SEMA3G: variants seen among roughly 807,000 people sequenced by gnomAD.
The protein encoded by SEMA3G is semaphorin-3G.
SEMA3G carries 70 observed loss-of-function variants against 86.2 expected under a neutral mutation model. The observed-to-expected ratio is 0.81, with a 90% CI of 0.67 to 0.99. The LOEUF (loss-of-function observed/expected upper bound fraction) is 0.99. SEMA3G is among the 50% of genes least tolerant of loss of function. The pLI, the probability that SEMA3G is intolerant of heterozygous loss-of-function variation, is 0.00. For missense variants in SEMA3G, 1,002 were observed against 1,072.4 expected (o/e 0.93, Z 0.92); for synonymous variants, 416 against 441.4 (o/e 0.94, Z 0.72).
chr3:52,443,697 G>A (rs563408178), intron 1 of SEMA3G, among the ~76,000 whole-genome samples: 11 of 152,128 alleles, frequency 7.2e-5, no homozygotes, highest in Non-Finnish European at 1.6e-4. Flanking sequence ...GGTCTCTTCC[G>A]GGAAGCCCTC....
rs375314615 is a variant in SEMA3G at position 52,441,087 on chromosome 3, G to A, written c.814-39C>T. The A allele has an allele frequency of 1.1e-3, 1,691 of 1,519,326 alleles. 2 individuals are homozygous for A. The highest frequency in any genetic ancestry group is 1.0e-3 in the Non-Finnish European group (1,165 of 1,121,974). 94.1% of individuals were successfully genotyped at this position (1,519,326 alleles called of 1,614,324 possible). A position where few individuals can be genotyped will look rare whatever the true frequency, so the allele number is the denominator to read the frequency against. ...GGCCAGAGTCACGCTTGGGCCCCAC[G>A]AGGATGGGTCCCACCATCCACTCTT... On this transcript the variant is annotated intron_variant, in intron 7 of 15. Coordinates refer to ENST00000231721, the MANE Select transcript of SEMA3G (RefSeq NM_020163.3).
Position 52,435,625 on chromosome 3 carries a change from G to T in SEMA3G, c.2327C>A (p.Pro776His). The T allele has an allele frequency of 6.2e-7, 1 of 1,612,746 alleles. No homozygotes were observed. Among genetic ancestry groups the T allele is most frequent in the South Asian group, 1.1e-5 (1 of 91,030 alleles). ...SRVHAEHNRT[P>H]REVEAT ...CTTCTACGTGGCCTCCACCTCCCGGGGCGTCCGATTGTGCTCGGCATGCAC... is the reference window on the plus strand; with the variant it reads ...CTTCTACGTGGCCTCCACCTCCCGGTGCGTCCGATTGTGCTCGGCATGCAC... Residue 776 changes from proline to histidine, a missense_variant, in exon 16 of 16, where the codon CCC becomes CAC. By Grantham distance (77) the Pro-to-His change is moderately conservative. Transcript: ENST00000231721.
chr3:52,440,264 T>C, intron 10 of SEMA3G, 113 bp downstream of exon 10: 1 of 1,254,264 alleles, frequency 8.0e-7, no homozygotes, highest in Non-Finnish European at 1.1e-6. Flanking sequence ...AGCCCAGGCT[T>C]GGCCAACGTC....
At chr3:52,437,251 T>C (rs1354716670) in intron 15 of SEMA3G, among the ~76,000 whole-genome samples, 2 of 152,070 alleles carry the variant, frequency 1.3e-5, no homozygotes, top group African/African-American at 4.8e-5. Flanking sequence ...TGTGTAAACA[T>C]GGGAGACTTA....
rs1159374448 is a variant in SEMA3G, at chr3:52,440,518, G to C, written c.1002C>G (p.Ala334=). The change falls in exon 10 of 16, where the codon GCC becomes GCG. Residue 334 remains alanine (A), a synonymous_variant. Coordinates refer to ENST00000231721, the MANE Select transcript of SEMA3G (RefSeq NM_020163.3). ...CACAGACGGCGAAGCCCTGGAACAC[G>C]GCACTGCCGGGGCACATGGGACAGT... ...EVYALFSTVS[A]VFQGFAVCVY... is the part of the protein sequence containing the mutation. 1.2e-6 allele frequency: 2 copies of C among 1,607,786 alleles called. No individual in the cohort carries two copies. The highest frequency in any genetic ancestry group is 1.7e-5 in the Admixed American group (1 of 59,168).
Position 52,433,752 on chromosome 3 carries a change from G to A in SEMA3G, c.*1851C>T, listed in dbSNP as rs1008259448. ...CCTCCCTAGGGTAGAGGGCAGAGCTGGCTGCAGCTCTGATACCCTTTCCTG... is the reference window on the plus strand; with the variant it reads ...CCTCCCTAGGGTAGAGGGCAGAGCTAGCTGCAGCTCTGATACCCTTTCCTG... On this transcript the variant is annotated 3_prime_UTR_variant, in exon 16 of 16. Coordinates refer to ENST00000231721, the MANE Select transcript of SEMA3G (RefSeq NM_020163.3). 1 of 152,578 alleles carries A rather than the reference G, an allele frequency of 6.6e-6. No individual in the cohort carries two copies. The highest frequency in any genetic ancestry group is 6.5e-5 in the Admixed American group (1 of 15,280). The allele number at this position is 152,578 out of a possible 1,614,324, so 9.5% of individuals were successfully genotyped here. A position where few individuals can be genotyped will look rare whatever the true frequency, so the allele number is the denominator to read the frequency against.
intron 14 of SEMA3G, 56 bp from the exon 15 acceptor site, chr3:52,437,722 G>A (rs1035300192): frequency 6.4e-7 from 1 of 1,566,352 alleles, no homozygotes; most frequent in African/African-American, 1.4e-5. Flanking sequence ...AGATCCCAGT[G>A]CCACCACCTG....
At position 52,435,951 on chromosome 3, in the gene SEMA3G, G is replaced by A. The variant is rs755223081; in HGVS notation, c.2001C>T (p.Val667=). ...CCACAATCACCACCAGAGCCAGGCGGACCACAGTCTGGGAGAAGCCATGCT... is the reference window on the plus strand; with the variant it reads ...CCACAATCACCACCAGAGCCAGGCGAACCACAGTCTGGGAGAAGCCATGCT... The part of the protein sequence containing the change: ...TLEHGFSQTV[V]RLALVVIVAS... The change falls in exon 16 of 16, where the codon GTC becomes GTT. Residue 667 remains valine (V), a synonymous_variant. Transcript: ENST00000231721. 24 of 1,613,886 alleles carry A rather than the reference G, an allele frequency of 1.5e-5. No homozygotes were observed. Among genetic ancestry groups the A allele is most frequent in the Admixed American group, 1.3e-4 (8 of 60,010 alleles).
intron 1 of SEMA3G, among the ~76,000 whole-genome samples, chr3:52,444,041 T>C (rs1457543725): frequency 6.6e-6 from 1 of 152,042 alleles, no homozygotes; most frequent in Non-Finnish European, 1.5e-5. Context: ...CTGGGGCGCT[T>C]CTTGGGTGCA....
chr3:52,440,971 G>T lies in SEMA3G; in HGVS notation c.891C>A (p.Pro297=). Residue 297 remains proline (P), a synonymous_variant, in exon 8 of 16, where the codon CCC becomes CCA. Coordinates refer to ENST00000231721, the MANE Select transcript of SEMA3G (RefSeq NM_020163.3). The part of the protein sequence containing the change: ...FLKARLVCSV[P]GPGGAETHFD... Reference sequence around the variant, plus strand: ...AGTGGGTCTCGGCACCACCAGGGCCGGGCACCGAGCAGACCAGCCTGGCCT... The same window carrying T: ...AGTGGGTCTCGGCACCACCAGGGCCTGGCACCGAGCAGACCAGCCTGGCCT... 6.2e-7 allele frequency: 1 copy of T among 1,607,152 alleles called. No individual in the cohort carries two copies.
At position 52,439,995 on chromosome 3, in the gene SEMA3G, C is replaced by T. The variant is rs1382599524; in HGVS notation, c.1247G>A (p.Trp416Ter). ...GCGGCCATGTCGAGGCCGCACAGGC[C>T]AGAACATGAGGGGGTGGGCTCGGGC... ...QFARAHPLMF[W>*]PVRPRHGRPV... is the part of the protein sequence containing the mutation. The change falls in exon 11 of 16, where the codon TGG becomes TAG. Residue 416 changes from tryptophan to a stop codon, truncating the protein, a stop_gained. Transcript: ENST00000231721. LOFTEE classifies it high-confidence loss of function. 1 of 1,613,502 alleles carries T rather than the reference C, an allele frequency of 6.2e-7. No homozygotes were observed. Among genetic ancestry groups the T allele is most frequent in the South Asian group, 1.1e-5 (1 of 91,076 alleles).
At chr3:52,441,164 C>T in intron 7 of SEMA3G, 100 bp downstream of exon 7, 1 of 1,520,322 alleles carries the variant, frequency 6.6e-7, no homozygotes, top group East Asian at 2.3e-5. Flanking sequence ...GCATCCTTGC[C>T]TCAGTTTCCC....
intron 1 of SEMA3G, among the ~76,000 whole-genome samples, chr3:52,444,318 G>A (rs547662585): frequency 5.5e-4 from 84 of 151,874 alleles, no homozygotes; most frequent in Non-Finnish European, 9.0e-4. Context: ...CCCCTCAGGT[G>A]CCTCCCACCG....
In SEMA3G at chr3:52,441,386, G is replaced by C. The variant is rs202199274; in HGVS notation, c.691C>G (p.Arg231Gly). Residue 231 changes from arginine (R) to glycine (G), a missense_variant, in exon 7 of 16, where the codon CGG (arginine) becomes GGG (glycine). Physicochemically the swap from Arg to Gly is moderately radical, Grantham distance 125 (BLOSUM62 -2). Coordinates refer to ENST00000231721, the MANE Select transcript of SEMA3G (RefSeq NM_020163.3). ...LHDPRFVMAA[R>G]IPENSDQDND... ...TCCTGGTCAGAGTTCTCAGGGATCCGGGCGGCCATCACAAACCGGGGGTCT... is the reference window on the plus strand; with the variant it reads ...TCCTGGTCAGAGTTCTCAGGGATCCCGGCGGCCATCACAAACCGGGGGTCT... 2 of 1,613,826 alleles carry C rather than the reference G, an allele frequency of 1.2e-6. No individual in the cohort carries two copies. The highest frequency in any genetic ancestry group is 1.7e-5 in the Admixed American group (1 of 60,014).
Position 52,440,091 on chromosome 3 carries a change from C to A in SEMA3G, c.1151G>T (p.Ser384Ile), listed in dbSNP as rs1478705453. 6.3e-7 allele frequency: 1 copy of A among 1,579,078 alleles called. No homozygotes were observed. The highest frequency in any genetic ancestry group is 1.8e-5 in the Admixed American group (1 of 56,712). ...VPFPRPGVCP[S>I]KMTAQPGRPF... ...CCGTCCTGGCTGTGCGGTCATCTTG[C>A]TGGGGCACTGTGGGCAGCAGGGAAG... is the stretch of plus-strand genomic sequence containing the variant. The change falls in exon 11 of 16, where the codon AGC (serine) becomes ATC (isoleucine). Residue 384 changes from serine to isoleucine, a missense_variant. Coordinates refer to ENST00000231721, the MANE Select transcript of SEMA3G (RefSeq NM_020163.3).
rs1297949367 is a variant in SEMA3G at position 52,442,579 on chromosome 3, G to T, written c.319C>A (p.Arg107=). 6 of 1,613,916 alleles carry T rather than the reference G, an allele frequency of 3.7e-6. No individual in the cohort carries two copies. The highest frequency in any genetic ancestry group is 2.2e-5 in the East Asian group (1 of 44,892). The part of the protein sequence containing the change: ...PQPGQREECV[R]KGRDPLTECA... ...CTCACCAAAGGATCTCTTCCCTTTCGAACACACTCCTCCCTCTGTCCTGGC... is the reference window on the plus strand; with the variant it reads ...CTCACCAAAGGATCTCTTCCCTTTCTAACACACTCCTCCCTCTGTCCTGGC... Residue 107 remains arginine, a synonymous_variant, in exon 3 of 16, where the codon CGA becomes AGA. Coordinates refer to ENST00000231721, the MANE Select transcript of SEMA3G (RefSeq NM_020163.3). The surrounding 1 kb of genome is among the most constrained non-coding windows in gnomAD (Gnocchi z 6.1).
At chr3:52,439,818 A>G (rs1356769990) in intron 11 of SEMA3G, 47 bp from the exon 12 acceptor site, 1 of 1,609,798 alleles carries the variant, frequency 6.2e-7, no homozygotes, top group Admixed American at 1.7e-5. Flanking sequence ...GGACAGCCAG[A>G]GACCCCACAC....
chr3:52,442,535 A>C lies in SEMA3G; in HGVS notation c.339+24T>G, dbSNP rs1254772108. 6.2e-7 allele frequency: 1 copy of C among 1,611,446 alleles called. No homozygotes were observed. The highest frequency in any genetic ancestry group is 1.1e-5 in the South Asian group (1 of 91,034). The stretch of plus-strand genomic sequence containing the variant: ...TCAGGGCAGGGTGTCAGGTCGGGGG[A>C]CCATCCCTCCCGACAGCACTCACCA... On this transcript the variant is annotated intron_variant, in intron 3 of 15. Transcript: ENST00000231721. This position sits in a 1 kb window ranked among gnomAD's most constrained non-coding sequence, Gnocchi z 6.1.
Position 52,439,862 on chromosome 3 carries a change from C to T in SEMA3G, c.1375+5G>A. 6.2e-7 allele frequency: 1 copy of T among 1,612,552 alleles called. No homozygotes were observed. The highest frequency in any genetic ancestry group is 8.5e-7 in the Non-Finnish European group (1 of 1,179,048). ...AGCCTGGCCACCCTGGCTCAGCTGT[C>T]CTACCAGTCCCCAGGAAAATGACAT... On this transcript the variant is annotated splice_donor_5th_base_variant and intron_variant, in intron 11 of 15. Coordinates refer to ENST00000231721, the MANE Select transcript of SEMA3G (RefSeq NM_020163.3).
Sources: gnomAD v4.1 joint callset for allele counts (sites outside exome capture counted in the v4.1 genomes callset) on GRCh38, gnomAD v4.1.1 for gene constraint, Gnocchi (gnomAD v3.1) non-coding constraint, MANE v1.5 for transcripts, NCBI Gene and HGNC (gene_info 2026-07-23, HGNC 2026-07-21) for gene names.